TAF1: variants seen among roughly 807,000 people sequenced by gnomAD.
The protein encoded by TAF1 is TATA-box binding protein associated factor 1.
Under a neutral mutation model 138.5 loss-of-function variants are expected in TAF1, and 2 were observed. The ratio of observed to expected loss-of-function variants is 0.01; its 90% CI spans 0.01 to 0.05. The LOEUF is 0.05. Ranked by LOEUF, TAF1 falls within the 10% of genes least tolerant of loss-of-function variation. The pLI is 1.00. For missense variants in TAF1, 709 were observed against 1,478.0 expected, an observed-to-expected ratio of 0.48 and a Z score of 8.53; for synonymous variants, 437 against 503.2, an observed-to-expected ratio of 0.87 and a Z score of 1.76.
At chrX:71,420,505 TCTC>T (rs1385096267) in intron 28 of TAF1, 5 of 1,202,470 alleles carry the variant, frequency 4.2e-6, no homozygotes, top group African/African-American at 1.7e-5. Flanking sequence ...GCCTCCATCT[TCTC>T]CTCAATGACA....
chrX:71,466,941 A>G (rs1189758071), downstream of TAF1, among the ~76,000 whole-genome samples: 1 of 110,516 alleles, frequency 9.0e-6, no homozygotes, highest in Non-Finnish European at 1.9e-5. Context: ...ATAAATATTT[A>G]CAAGAATCCG....
At chrX:71,436,278 C>T (rs1261591465) in intron 32 of TAF1, among the ~76,000 whole-genome samples, 7 of 99,110 alleles carry the variant, frequency 7.1e-5, no homozygotes, top group African/African-American at 2.2e-4. Flanking sequence ...TGCAGTGGCG[C>T]GATCTCGGCT....
intron 34 of TAF1, among the ~76,000 whole-genome samples, chrX:71,457,523 A>G (rs2038360088): frequency 8.9e-6 from 1 of 111,989 alleles, no homozygotes; most frequent in Non-Finnish European, 1.9e-5. Context: ...AGAATAGTCC[A>G]TTTGCTGAAT....
At chrX:71,407,418 A>G (rs1011665059) in intron 26 of TAF1, among the ~76,000 whole-genome samples, 156 bp from the exon 27 acceptor site, 1 of 108,306 alleles carries the variant, frequency 9.2e-6, no homozygotes, top group Non-Finnish European at 1.9e-5. Flanking sequence ...GGGCTTCACC[A>G]TGTTGCCCAG....
At chrX:71,397,555 T>G in intron 23 of TAF1, 89 bp downstream of exon 23, 1 of 1,030,348 alleles carries the variant, frequency 9.7e-7, no homozygotes, top group East Asian at 3.1e-5. Flanking sequence ...TGATCTTGGC[T>G]CATTGCAACC....
intron 13 of TAF1, among the ~76,000 whole-genome samples, chrX:71,489,301 C>T (rs912296573): frequency 9.0e-6 from 1 of 110,708 alleles, no homozygotes; most frequent in Non-Finnish European, 1.9e-5. Context: ...TCAGGTTTTT[C>T]TGGTCAGTGA....
downstream of TAF1, among the ~76,000 whole-genome samples, chrX:71,471,005 G>A (rs1026911070): frequency 9.3e-6 from 1 of 107,853 alleles, no homozygotes; most frequent in Non-Finnish European, 1.9e-5. Flanking sequence ...GGACAACAGA[G>A]AAAGACCATG....
chrX:71,489,515 G>A lies in TAF1; in HGVS notation c.1366+28712G>A, dbSNP rs1468253808. On this transcript the variant is annotated intron_variant and NMD_transcript_variant, in intron 13 of 14. Transcript: ENST00000373775. ...AACATGGAGAAACCCCGTCTCTACT[G>A]AAAATACAAAATTAGCTGGGCATGG... 2.0e-4 allele frequency among the ~76,000 whole-genome samples: 22 copies of A among 109,906 alleles called. 1 individual carries two copies. Among genetic ancestry groups the A allele is most frequent in the African/African-American group, 7.3e-4 (22 of 30,221 alleles).
chrX:71,413,278 C>G (rs1371749236), intron 28 of TAF1, among the ~76,000 whole-genome samples: 1 of 111,747 alleles, frequency 8.9e-6, no homozygotes, highest in Non-Finnish European at 1.9e-5. Context: ...TTTGCCAGAG[C>G]AGCTGCACCA....
chrX:71,410,745 C>T (rs1348535103), intron 28 of TAF1, among the ~76,000 whole-genome samples: 1 of 110,335 alleles, frequency 9.1e-6, no homozygotes, highest in African/African-American at 3.3e-5. Flanking sequence ...GCATGAGACA[C>T]TGCACCCGGC....
At chrX:71,429,223 T>C (rs1440969501) in intron 32 of TAF1, among the ~76,000 whole-genome samples, 1 of 109,671 alleles carries the variant, frequency 9.1e-6, no homozygotes, top group Non-Finnish European at 1.9e-5. Flanking sequence ...TGCAGTGAGC[T>C]GAGATCGCAT....
At chrX:71,500,173 C>T (rs1389732422) in intron 13 of TAF1, among the ~76,000 whole-genome samples, 5 of 111,019 alleles carry the variant, frequency 4.5e-5, no homozygotes, top group African/African-American at 1.6e-4. Context: ...GCTGAGAGGT[C>T]CTCCTGTGGG....
chrX:71,524,645 TA>T (rs1184243073), intron 13 of TAF1, among the ~76,000 whole-genome samples: 280 of 94,511 alleles, frequency 3.0e-3, no homozygotes, highest in Middle Eastern at 5.5e-3. Context: ...ATCCTGTTTC[TA>T]AAAAAAAAAA....
At chrX:71,495,977 T>C (rs1602847125) in intron 13 of TAF1, among the ~76,000 whole-genome samples, 1 of 112,661 alleles carries the variant, frequency 8.9e-6, no homozygotes, top group East Asian at 2.7e-4. Flanking sequence ...TAAAACCTCG[T>C]TCAGTCCATA....
chrX:71,524,850 T>A (rs1459290172), intron 13 of TAF1, among the ~76,000 whole-genome samples: 3 of 102,206 alleles, frequency 2.9e-5, no homozygotes, highest in Non-Finnish European at 5.9e-5. Context: ...CTGAGGCAGG[T>A]GAATCACTTG....
At chrX:71,485,236 A>G (rs1165743018) in intron 13 of TAF1, among the ~76,000 whole-genome samples, 1 of 112,472 alleles carries the variant, frequency 8.9e-6, no homozygotes, top group East Asian at 2.8e-4. Context: ...AATGTAAATA[A>G]GTAGTATGGA....
At chrX:71,421,251 T>G in intron 28 of TAF1, 58 bp from the exon 29 acceptor site, 1 of 1,034,907 alleles carries the variant, frequency 9.7e-7, no homozygotes, top group Non-Finnish European at 1.4e-6. Flanking sequence ...GATAAAGAAG[T>G]GTTGGCAGCT....
At chrX:71,380,965 A>G (rs2033846885) in intron 8 of TAF1, among the ~76,000 whole-genome samples, 1 of 112,545 alleles carries the variant, frequency 8.9e-6, no homozygotes, top group African/African-American at 3.2e-5. Flanking sequence ...TGCTGGGATT[A>G]CAGGCGTGAG....
At position 71,382,633 on chromosome X, in the gene TAF1, A is replaced by G; in HGVS notation, c.1635A>G (p.Lys545=). ...SLKKSRILLG[K]TGVIKEEPQQ... ...AGAAGAGTCGAATTCTCTTAGGGAA[A>G]ACAGGAGTCATCAAGGAGGAACCAC... is the stretch of plus-strand genomic sequence containing the variant. The change falls in exon 10 of 38, where the codon AAA becomes AAG. Residue 545 remains lysine, a synonymous_variant. Coordinates refer to ENST00000423759, the MANE Select transcript of TAF1 (RefSeq NM_004606.5). The G allele has an allele frequency of 8.3e-7, 1 of 1,211,469 alleles. No individual in the cohort carries two copies. The highest frequency in any genetic ancestry group is 1.1e-6 in the Non-Finnish European group (1 of 895,468).
Sources: gnomAD v4.1 joint callset for allele counts (sites outside exome capture counted in the v4.1 genomes callset) on GRCh38, gnomAD v4.1.1 for gene constraint, MANE v1.5 for transcripts, NCBI Gene and HGNC (gene_info 2026-07-23, HGNC 2026-07-21) for gene names.